Variants in BABAM1 observed in about 807,000 individuals in gnomAD.
BABAM1 encodes the protein BRISC and BRCA1-A complex member 1.
In BABAM1, 14 loss-of-function variants were observed where a neutral mutation model predicts 34.4. The observed-to-expected ratio is 0.41, with a 90% CI of 0.27 to 0.64. The LOEUF is 0.64. BABAM1 is among the 30% of genes least tolerant of loss of function. The pLI is 0.34. For missense variants in BABAM1, 393 were observed against 434.0 expected, an observed-to-expected ratio of 0.91 and a Z score of 0.84; for synonymous variants, 169 against 165.8, an observed-to-expected ratio of 1.02 and a Z score of -0.15.
rs754532648 is a variant in BABAM1 at position 17,273,956 on chromosome 19, C to T, written c.397C>T (p.Arg133Trp). Residue 133 changes from arginine (R) to tryptophan (W), a missense_variant, in exon 4 of 9, where the codon CGG becomes TGG. Arg to Trp is a moderately radical substitution (Grantham distance 101). Transcript: ENST00000598188. ...VSQKMIEMFV[R>W]TKHKIDKSHE... ...CCAGAAGATGATTGAGATGTTCGTG[C>T]GGACAAAACACAAGATCGACAAAAG... 1.2e-6 allele frequency: 2 copies of T among 1,613,716 alleles called. No individual in the cohort carries two copies. The highest frequency in any genetic ancestry group is 1.3e-5 in the African/African-American group (1 of 74,898).
chr19:17,274,046 G>A (rs1227020352), intron 4 of BABAM1, 22 bp downstream of exon 4: 8 of 1,613,620 alleles, frequency 5.0e-6, no homozygotes, highest in Non-Finnish European at 6.8e-6. Context: ...GCAGGCGCTG[G>A]GTGCCCTGGG....
intron 3 of BABAM1, 90 bp downstream of exon 3, chr19:17,271,745 C>T (rs1401089560): frequency 7.0e-7 from 1 of 1,429,236 alleles, no homozygotes; most frequent in Non-Finnish European, 9.7e-7. Flanking sequence ...GAAACTCACA[C>T]CAGCTTGGTC....
rs2073805780 is a variant in BABAM1, at chr19:17,269,035, C to T, written c.229C>T (p.Pro77Ser). The T allele has an allele frequency of 4.4e-6, 7 of 1,600,152 alleles. No individual in the cohort carries two copies. The highest frequency in any genetic ancestry group is 6.0e-6 in the Non-Finnish European group (7 of 1,174,340). Residue 77 changes from proline (P) to serine (S), a missense_variant, in exon 2 of 9, where the codon CCG (proline) becomes TCG (serine). Coordinates refer to ENST00000598188, the MANE Select transcript of BABAM1 (RefSeq NM_014173.4). The part of the protein sequence containing the change: ...GAGPKSWQVP[P>S]PAPEVQIRTP... ...CGGCCCTAAGTCCTGGCAGGTGCCC[C>T]CGCCAGCCCCTGAGGTCCAAATTCG...
At chr19:17,273,855 GC>G in intron 3 of BABAM1, 48 bp from the exon 4 acceptor site, 2 of 1,547,016 alleles carry the variant, frequency 1.3e-6, no homozygotes, top group Admixed American at 2.0e-5. Flanking sequence ...GAGCCACTGT[GC>G]CCGGCCCTGA....
At chr19:17,275,896 C>T (rs955914730) in intron 6 of BABAM1, 71 bp downstream of exon 6, 40 of 1,541,696 alleles carry the variant, frequency 2.6e-5, no homozygotes, top group Admixed American at 3.3e-5. Flanking sequence ...AAGCTCCAAA[C>T]GGCACAGAAG....
At chr19:17,275,881 G>A in intron 6 of BABAM1, 56 bp downstream of exon 6, 8 of 1,580,168 alleles carry the variant, frequency 5.1e-6, no homozygotes, top group Admixed American at 3.3e-5. Flanking sequence ...GTCACTTCTG[G>A]GAAAAAGCTC....
At position 17,269,465 on chromosome 19, in the gene BABAM1, C is replaced by T. The variant is rs182602861; in HGVS notation, c.285+374C>T. On this transcript the variant is annotated intron_variant, in intron 2 of 8. Transcript: ENST00000598188. ...TCCCGGGTTCAAGCAATTCTCCTGC[C>T]TCAGCCTCCCGAGCAGCTGGGATTA... Among the ~76,000 whole-genome samples, 742 of 151,578 alleles carry T rather than the reference C, an allele frequency of 4.9e-3. 2 individuals are homozygous for T. Among genetic ancestry groups the T allele is most frequent in the Middle Eastern group, 0.01 (3 of 294 alleles).
rs767040103 is a variant in BABAM1 at position 17,268,832 on chromosome 19, C to T, written c.26C>T (p.Pro9Leu). The part of the protein sequence containing the change: MEVAEPSS[P>L]TEEEEEEEEH... ...ATGGAAGTGGCAGAGCCCAGCAGCC[C>T]CACTGAAGAGGAGGAGGAGGAAGAG... Residue 9 changes from proline (P) to leucine (L), a missense_variant, in exon 2 of 9, where the codon CCC becomes CTC. By Grantham distance (98) the Pro-to-Leu change is moderately conservative (BLOSUM62 -3). Coordinates refer to ENST00000598188, the MANE Select transcript of BABAM1 (RefSeq NM_014173.4). 10 of 1,609,796 alleles carry T rather than the reference C, an allele frequency of 6.2e-6. No individual in the cohort carries two copies. Among genetic ancestry groups the T allele is most frequent in the Non-Finnish European group, 8.5e-6 (10 of 1,177,860 alleles).
At chr19:17,277,078 G>A in intron 8 of BABAM1, 169 bp downstream of exon 8, 1 of 637,528 alleles carries the variant, frequency 1.6e-6, no homozygotes, top group East Asian at 2.8e-5. Flanking sequence ...TGTCTGCTGT[G>A]ACTGATGGGG....
At chr19:17,273,139 C>T (rs2073862287) in intron 3 of BABAM1, among the ~76,000 whole-genome samples, 1 of 152,224 alleles carries the variant, frequency 6.6e-6, no homozygotes, top group African/African-American at 2.4e-5. Context: ...AAGTGACTTG[C>T]TCAAGGGCTC....
At chr19:17,273,860 G>C (rs2073875893) in intron 3 of BABAM1, 44 bp from the exon 4 acceptor site, 1 of 1,555,538 alleles carries the variant, frequency 6.4e-7, no homozygotes, top group Non-Finnish European at 8.7e-7. Flanking sequence ...ACTGTGCCCG[G>C]CCCTGAGGGA....
intron 3 of BABAM1, 61 bp from the exon 4 acceptor site, chr19:17,273,843 G>T: frequency 6.5e-7 from 1 of 1,529,722 alleles, no homozygotes; most frequent in Non-Finnish European, 8.8e-7. Context: ...AATTACAGGC[G>T]TGAGCCACTG....
intron 8 of BABAM1, among the ~76,000 whole-genome samples, chr19:17,277,759 G>T (rs1233908225): frequency 1.3e-5 from 2 of 151,846 alleles, no homozygotes; most frequent in Non-Finnish European, 2.9e-5. Flanking sequence ...TACGCCTGTG[G>T]TCCCAGCTGC....
intron 2 of BABAM1, 44 bp from the exon 3 acceptor site, chr19:17,271,553 C>T (rs774744757): frequency 5.0e-6 from 8 of 1,603,702 alleles, no homozygotes; most frequent in Admixed American, 3.4e-5. Context: ...TGGGGGCCAA[C>T]GTTAAGGTCA....
chr19:17,276,346 CT>C, intron 6 of BABAM1, 148 bp from the exon 7 acceptor site: 1 of 1,259,674 alleles, frequency 7.9e-7, no homozygotes, highest in Non-Finnish European at 1.1e-6. Flanking sequence ...GAGGGAACCG[CT>C]TATGGGATGC....
chr19:17,268,863 C>T lies in BABAM1; in HGVS notation c.57C>T (p.His19=). ...PTEEEEEEEE[H]SAEPRPRTRS... ...AAGAGGAGGAGGAGGAAGAGGAGCA[C>T]TCGGCAGAGCCTCGGCCCCGCACTC... Residue 19 remains histidine (H), a synonymous_variant, in exon 2 of 9, where the codon CAC becomes CAT. Transcript: ENST00000598188. 6.2e-7 allele frequency: 1 copy of T among 1,607,296 alleles called. No homozygotes were observed. Among genetic ancestry groups the T allele is most frequent in the East Asian group, 2.2e-5 (1 of 44,624 alleles).
At chr19:17,269,669 CCT>C (rs377624976) in intron 2 of BABAM1, among the ~76,000 whole-genome samples, 50 of 152,108 alleles carry the variant, frequency 3.3e-4, no homozygotes, top group African/African-American at 7.5e-4. Context: ...CCTTTTCTAG[CCT>C]CTCGTGGCTC....
intron 7 of BABAM1, 90 bp from the exon 8 acceptor site, chr19:17,276,733 C>T (rs865932567): frequency 6.4e-7 from 1 of 1,554,878 alleles, no homozygotes; most frequent in Middle Eastern, 1.7e-4. Context: ...GGTAAGTTCC[C>T]AGAGTCTGAG....
chr19:17,272,933 G>A (rs1351511681), intron 3 of BABAM1, among the ~76,000 whole-genome samples: 4 of 152,074 alleles, frequency 2.6e-5, no homozygotes, highest in South Asian at 2.1e-4. Flanking sequence ...CAGGAGAATC[G>A]TTTGAATCTG....
Sources: allele counts gnomAD v4.1 joint callset (sites outside exome capture counted in the v4.1 genomes callset), GRCh38; gene constraint gnomAD v4.1.1; transcripts MANE v1.5; gene names NCBI Gene and HGNC (gene_info 2026-07-23, HGNC 2026-07-21).